FNDC7: variants seen among roughly 807,000 people sequenced by gnomAD.
The protein encoded by FNDC7 is fibronectin type III domain containing 7, also known as fibronectin type III domain-containing protein 7.
Under a neutral mutation model 74.2 loss-of-function variants are expected in FNDC7, and 66 were observed. The ratio of observed to expected loss-of-function variants is 0.89; its 90% CI spans 0.73 to 1.09. The LOEUF is 1.09. FNDC7 is among the 50% of genes least tolerant of loss of function. The pLI is 0.00. For missense variants in FNDC7, 829 were observed against 893.4 expected, an observed-to-expected ratio of 0.93 and a Z score of 0.92; for synonymous variants, 307 against 330.2, an observed-to-expected ratio of 0.93 and a Z score of 0.76.
chr1:108,732,625 C>G (rs1390651466), intron 9 of FNDC7, among the ~76,000 whole-genome samples: 4 of 152,168 alleles, frequency 2.6e-5, no homozygotes, highest in African/African-American at 9.7e-5. Flanking sequence ...ATTTTTGGAC[C>G]TTTCTGACTC....
intron 5 of FNDC7, among the ~76,000 whole-genome samples, chr1:108,723,351 A>G (rs550932721): frequency 6.6e-5 from 10 of 152,224 alleles, no homozygotes; most frequent in Non-Finnish European, 1.2e-4. Flanking sequence ...CCTAATTCCA[A>G]TGCTTAAAGC....
chr1:108,714,081 G>A (rs987832894), intron 2 of FNDC7, among the ~76,000 whole-genome samples: 1 of 152,002 alleles, frequency 6.6e-6, no homozygotes, highest in Admixed American at 6.6e-5. Flanking sequence ...GTAGATAACC[G>A]AAGGCAAAAA....
At chr1:108,722,694 A>G (rs1341884944) in intron 5 of FNDC7, 102 bp downstream of exon 5, 3 of 1,293,754 alleles carry the variant, frequency 2.3e-6, no homozygotes, top group African/African-American at 3.0e-5. Flanking sequence ...AAAAATGAAA[A>G]TGAAAGCCTG....
At chr1:108,723,253 A>C (rs1338499654) in intron 5 of FNDC7, among the ~76,000 whole-genome samples, 1 of 152,228 alleles carries the variant, frequency 6.6e-6, no homozygotes, top group Non-Finnish European at 1.5e-5. Flanking sequence ...TTTACATAAG[A>C]AAATTGAAGC....
intron 2 of FNDC7, 81 bp from the exon 3 acceptor site, chr1:108,717,695 AT>A: frequency 1.4e-6 from 2 of 1,413,928 alleles, no homozygotes; most frequent in Non-Finnish European, 1.9e-6. Context: ...CATGAGAATG[AT>A]TTAGCTTGAA....
chr1:108,736,312 A>G (rs1003157051), intron 10 of FNDC7, among the ~76,000 whole-genome samples: 5 of 151,618 alleles, frequency 3.3e-5, no homozygotes, highest in African/African-American at 4.8e-5. Context: ...ACTGGCCCCA[A>G]TTTTCCTTGT....
chr1:108,732,683 T>G (rs1160776468), intron 9 of FNDC7, among the ~76,000 whole-genome samples: 1 of 152,148 alleles, frequency 6.6e-6, no homozygotes, highest in Non-Finnish European at 1.5e-5. Flanking sequence ...CCTTCACACA[T>G]GGATTTCTCT....
intron 7 of FNDC7, 83 bp downstream of exon 7, chr1:108,728,148 C>G: frequency 6.7e-7 from 1 of 1,498,440 alleles, no homozygotes; most frequent in Non-Finnish European, 9.1e-7. Flanking sequence ...TTCAGTGAGA[C>G]CAATAAAAAG....
chr1:108,717,635 G>A, intron 2 of FNDC7, 142 bp from the exon 3 acceptor site: 2 of 850,750 alleles, frequency 2.4e-6, no homozygotes, highest in Non-Finnish European at 3.6e-6. Context: ...CTTTTTCTCT[G>A]TTTTTCCTTG....
At position 108,722,447 on chromosome 1, in the gene FNDC7, C is replaced by T. The variant is rs747899150; in HGVS notation, c.711C>T (p.Ser237=). ...TCAATTATACTGTGATGGCTTTGAG[C>T]GACTCTTCAGAGCTGACCTGCAGTA... ...GAFNYTVMAL[S]DSSELTCSTT... is the part of the protein sequence containing the mutation. Residue 237 remains serine, a synonymous_variant, in exon 5 of 13, where the codon AGC becomes AGT. Transcript: ENST00000370017. 4.7e-5 allele frequency: 76 copies of T among 1,614,060 alleles called. No individual in the cohort carries two copies. Among genetic ancestry groups the T allele is most frequent in the Admixed American group, 3.2e-4 (19 of 59,990 alleles).
Position 108,718,151 on chromosome 1 carries a change from A to G in FNDC7, c.337+120A>G, listed in dbSNP as rs973024194. 4 of 1,298,482 alleles carry G rather than the reference A, an allele frequency of 3.1e-6. No individual in the cohort carries two copies. The Admixed American group carries it at 7.0e-5, about 23-fold the overall frequency. 80.4% of individuals were successfully genotyped at this position (1,298,482 alleles called of 1,614,324 possible). ...CATGAGTGCCTACAATTCAAGGCCC[A>G]GAAGTGAAAGCTACCAAATGATGCT... On this transcript the variant is annotated intron_variant, in intron 3 of 12. Transcript: ENST00000370017.
intron 4 of FNDC7, among the ~76,000 whole-genome samples, chr1:108,719,689 C>G (rs572972654): frequency 6.6e-6 from 1 of 152,044 alleles, no homozygotes; most frequent in South Asian, 2.1e-4. Flanking sequence ...GAGCAAAGGA[C>G]TCTGCAGCAT....
intron 6 of FNDC7, 64 bp downstream of exon 6, chr1:108,726,068 T>C: frequency 8.3e-6 from 13 of 1,573,462 alleles, no homozygotes; most frequent in Admixed American, 1.7e-5. Flanking sequence ...GCAGAATGGA[T>C]CACCTATTCC....
At chr1:108,717,650 GAAT>G (rs1242653815) in intron 2 of FNDC7, 124 bp from the exon 3 acceptor site, 1 of 1,009,724 alleles carries the variant, frequency 9.9e-7, no homozygotes, top group Admixed American at 2.5e-5. Context: ...TCCTTGATCT[GAAT>G]AATAAGGGCA....
chr1:108,728,346 C>T (rs1478314822), intron 7 of FNDC7, among the ~76,000 whole-genome samples: 1 of 152,164 alleles, frequency 6.6e-6, no homozygotes, highest in Non-Finnish European at 1.5e-5. Context: ...AGGGGCCTGC[C>T]TGTACTCACA....
intron 4 of FNDC7, 139 bp from the exon 5 acceptor site, chr1:108,722,196 T>C (rs1339793780): frequency 2.4e-6 from 2 of 846,226 alleles, no homozygotes; most frequent in Non-Finnish European, 3.5e-6. Flanking sequence ...TCATCCTAAA[T>C]CCCAATTTTA....
At chr1:108,737,456 G>A (rs1294306217) in intron 10 of FNDC7, 39 bp from the exon 11 acceptor site, 9 of 1,513,794 alleles carry the variant, frequency 5.9e-6, no homozygotes, top group Non-Finnish European at 8.1e-6. Context: ...ATACATAAAT[G>A]AATAGATTTT....
intron 4 of FNDC7, among the ~76,000 whole-genome samples, chr1:108,721,545 G>A (rs1661092483): frequency 1.3e-5 from 2 of 152,284 alleles, no homozygotes; most frequent in South Asian, 4.1e-4. Context: ...CTCACAGACT[G>A]TTTAAGCAGT....
rs1661215787 is a variant in FNDC7, at chr1:108,726,086, G to A, written c.1111+82G>A. 2.7e-6 allele frequency: 4 copies of A among 1,503,636 alleles called. No homozygotes were observed. The East Asian group carries it at 9.0e-5, about 34-fold the overall frequency. 93.1% of individuals were successfully genotyped at this position (1,503,636 alleles called of 1,614,324 possible). On this transcript the variant is annotated intron_variant, in intron 6 of 12. Coordinates refer to ENST00000370017, the MANE Select transcript of FNDC7 (RefSeq NM_001144937.3). ...GAATGGATCACCTATTCCACTTATT[G>A]ACTTACCACCTGGGAGTCATTCTAG...
Sources: gnomAD v4.1 joint callset for allele counts (sites outside exome capture counted in the v4.1 genomes callset) on GRCh38, gnomAD v4.1.1 for gene constraint, MANE v1.5 for transcripts, NCBI Gene and HGNC (gene_info 2026-07-23, HGNC 2026-07-21) for gene names.